The following COX6B1 variants were observed in gnomAD, a reference collection of about 807,000 sequenced individuals.
COX6B1 encodes the protein COX VIb-1.
COX6B1 carries 2 observed loss-of-function variants against 14.0 expected under a neutral mutation model. The ratio of observed to expected loss-of-function variants is 0.14; its 90% CI spans 0.06 to 0.45. COX6B1 has a LOEUF of 0.45. Among genes scored for constraint, COX6B1 ranks in the 20% least tolerant of loss-of-function variants. The probability of loss-of-function intolerance (pLI) is 0.98; values close to 1 mark genes in which losing one functional copy is unlikely to be tolerated. For missense variants in COX6B1, 81 were observed against 114.2 expected (o/e 0.71, Z 1.33); for synonymous variants, 30 against 39.7 (o/e 0.76, Z 0.92).
intron 3 of COX6B1, among the ~76,000 whole-genome samples, chr19:35,655,752 C>CCTCT (rs1408392576): frequency 1.7e-5 from 2 of 121,206 alleles, no homozygotes; most frequent in African/African-American, 7.1e-5. Flanking sequence ...TGCCACTGTG[C>CCTCT]CTGTCTCTCT....
chr19:35,653,631 A>G (rs183766638), intron 2 of COX6B1, among the ~76,000 whole-genome samples: 4 of 139,010 alleles, frequency 2.9e-5, no homozygotes, highest in Non-Finnish European at 4.5e-5. Flanking sequence ...CCCAGGCTGG[A>G]GTGCAGTGGC....
At chr19:35,648,826 A>G (rs747573439) in intron 1 of COX6B1, 4 of 533,006 alleles carry the variant, frequency 7.5e-6, no homozygotes, top group South Asian at 1.4e-5. Flanking sequence ...TGTCCAGTCC[A>G]TCCTCCCTTT....
chr19:35,655,752 CCTGT>C (rs1350212248), intron 3 of COX6B1, among the ~76,000 whole-genome samples: 2 of 121,206 alleles, frequency 1.7e-5, no homozygotes, highest in Non-Finnish European at 3.4e-5. Flanking sequence ...TGCCACTGTG[CCTGT>C]CTCTCTCTCT....
intron 3 of COX6B1, among the ~76,000 whole-genome samples, chr19:35,657,436 CACTT>C (rs1967898908): frequency 1.3e-5 from 2 of 152,054 alleles, no homozygotes; most frequent in Admixed American, 1.3e-4. Flanking sequence ...ACCTGCCACT[CACTT>C]CCAGCTGTGG....
At chr19:35,650,040 G>A (rs547745778) in intron 1 of COX6B1, among the ~76,000 whole-genome samples, 56 of 141,372 alleles carry the variant, frequency 4.0e-4, no homozygotes, top group African/African-American at 1.4e-3. Context: ...TTTTTGCTCT[G>A]TTGCCCAGGT....
At chr19:35,655,777 CTCTCTCTCTCTT>C (rs1456956598) in intron 3 of COX6B1, among the ~76,000 whole-genome samples, 3 of 151,536 alleles carry the variant, frequency 2.0e-5, no homozygotes, top group Admixed American at 6.6e-5. Context: ...CTCTCTCTCT[CTCTCTCTCTCTT>C]TGTCGCCCTC....
chr19:35,657,273 A>G (rs1036006814), intron 3 of COX6B1, among the ~76,000 whole-genome samples: 7 of 151,930 alleles, frequency 4.6e-5, no homozygotes, highest in African/African-American at 1.7e-4. Context: ...CATAAGGATC[A>G]TGCAGCCTAG....
Position 35,654,906 on chromosome 19 carries a change from A to G in COX6B1, c.207+235A>G, listed in dbSNP as rs143320073. On this transcript the variant is annotated intron_variant, in intron 3 of 3. Coordinates refer to ENST00000649813, the MANE Select transcript of COX6B1 (RefSeq NM_001863.5). ...GCGACCAGGGTGCTTTGCTAGATGT[A>G]GCTCACTCATGCACTCTCCAAATAC... 4.2e-3 allele frequency among the ~76,000 whole-genome samples: 642 copies of G among 152,114 alleles called. 8 individuals carry two copies. In the South Asian group the frequency reaches 0.05, roughly 12 times the overall value.
intron 2 of COX6B1, 148 bp from the exon 3 acceptor site, chr19:35,654,423 T>C: frequency 1.4e-6 from 1 of 690,000 alleles, no homozygotes; most frequent in South Asian, 1.5e-5. Flanking sequence ...GAGAATCACT[T>C]GAACCCAGGA....
chr19:35,650,252 C>G (rs1043197851), intron 1 of COX6B1, among the ~76,000 whole-genome samples: 29 of 152,146 alleles, frequency 1.9e-4, no homozygotes, highest in Admixed American at 6.6e-5. Flanking sequence ...GATCCACCCC[C>G]CTGGCCTCCC....
At position 35,658,684 on chromosome 19, in the gene COX6B1, T is replaced by A. The variant is rs750042563; in HGVS notation, c.*37T>A. ...CTCCCTTTCCTCTGTCCTCCATCCTTCTCCCAGGATGGTGAAGGGGGACCT... is the reference window on the plus strand; with the variant it reads ...CTCCCTTTCCTCTGTCCTCCATCCTACTCCCAGGATGGTGAAGGGGGACCT... On this transcript the variant is annotated 3_prime_UTR_variant, in exon 4 of 4. Coordinates refer to ENST00000649813, the MANE Select transcript of COX6B1 (RefSeq NM_001863.5). The A allele has an allele frequency of 2.5e-6, 4 of 1,589,196 alleles. No individual in the cohort carries two copies. In the Admixed American group the frequency reaches 6.7e-5, roughly 27 times the overall value.
At chr19:35,651,505 G>T (rs1967824562) in intron 2 of COX6B1, among the ~76,000 whole-genome samples, 156 bp downstream of exon 2, 1 of 152,060 alleles carries the variant, frequency 6.6e-6, no homozygotes, top group Non-Finnish European at 1.5e-5. Flanking sequence ...GTCCAGGCTA[G>T]GGTTACAAAC....
intron 3 of COX6B1, among the ~76,000 whole-genome samples, chr19:35,655,785 CTCTT>C (rs929091520): frequency 9.6e-5 from 14 of 145,190 alleles, no homozygotes; most frequent in African/African-American, 3.2e-4. Flanking sequence ...CTCTCTCTCT[CTCTT>C]TGTCGCCCTC....
Sources: gnomAD v4.1 joint callset for allele counts (sites outside exome capture counted in the v4.1 genomes callset) on GRCh38, gnomAD v4.1.1 for gene constraint, MANE v1.5 for transcripts, NCBI Gene and HGNC (gene_info 2026-07-23, HGNC 2026-07-21) for gene names.